NET1: variants seen among roughly 807,000 people sequenced by gnomAD.
NET1 encodes neuroepithelial cell-transforming gene 1 protein.
Under a neutral mutation model 61.1 loss-of-function variants are expected in NET1, and 42 were observed. The ratio of observed to expected loss-of-function variants is 0.69; its 90% CI spans 0.54 to 0.89. The LOEUF (loss-of-function observed/expected upper bound fraction) is 0.89. NET1 is among the 40% of genes least tolerant of loss of function. NET1 has a pLI of 0.00. For synonymous variants in NET1, 254 were observed against 281.8 expected, an observed-to-expected ratio of 0.90 and a Z score of 0.99; for missense variants, 654 against 747.3, an observed-to-expected ratio of 0.88 and a Z score of 1.46.
chr10:5,418,163 T>C (rs1296960058), intron 1 of NET1, among the ~76,000 whole-genome samples: 4 of 152,202 alleles, frequency 2.6e-5, no homozygotes, highest in Non-Finnish European at 5.9e-5. Flanking sequence ...AATACTGGCC[T>C]CATAAAATCA....
At position 5,431,870 on chromosome 10, in the gene NET1, C is replaced by G. The variant is rs1167915259; in HGVS notation, c.255+2641C>G. Among the ~76,000 whole-genome samples, 1 of 152,132 alleles carries G rather than the reference C, an allele frequency of 6.6e-6. No individual in the cohort carries two copies. The highest frequency in any genetic ancestry group is 1.5e-5 in the Non-Finnish European group (1 of 68,018). ...GCTCCTACCTCGGCCTCCCAAAGTGCTGGGATTACAGGCATGAGCCACCAC... is the reference window on the plus strand; with the variant it reads ...GCTCCTACCTCGGCCTCCCAAAGTGGTGGGATTACAGGCATGAGCCACCAC... On this transcript the variant is annotated intron_variant, in intron 3 of 11. Coordinates refer to ENST00000355029, the MANE Select transcript of NET1 (RefSeq NM_001047160.3). This position sits in a 1 kb window ranked among gnomAD's most constrained non-coding sequence, Gnocchi z 4.9.
rs1832715569 is a variant in NET1 at position 5,452,162 on chromosome 10, G to A, written c.364-196G>A. Among the ~76,000 whole-genome samples, 2 of 152,064 alleles carry A rather than the reference G, an allele frequency of 1.3e-5. No individual in the cohort carries two copies. Among genetic ancestry groups the A allele is most frequent in the Admixed American group, 1.3e-4 (2 of 15,276 alleles). On this transcript the variant is annotated intron_variant, in intron 4 of 11. Coordinates refer to ENST00000355029, the MANE Select transcript of NET1 (RefSeq NM_001047160.3). The surrounding 1 kb of genome is among the most constrained non-coding windows in gnomAD (Gnocchi z 4.0). ...ATCTTATAATGCATAGTCTTGGCTA[G>A]TTTTTATTCCCAAAAATGTAATTTT...
chr10:5,442,335 G>A (rs1419065028), intron 3 of NET1, among the ~76,000 whole-genome samples: 1 of 152,100 alleles, frequency 6.6e-6, no homozygotes, highest in African/African-American at 2.4e-5. Context: ...GCTTGTTATT[G>A]TTCCAGGTAA....
rs1467480404 is a variant in NET1, at chr10:5,412,767, G to T, written c.75G>T (p.Thr25=). ...RRSRRASGLS[T]EGATGPSADT... ...GCCGCCGGGCCTCTGGGCTCAGCAC[G>T]GAGGGAGCGACGGGGCCTTCGGCCG... The change falls in exon 1 of 12, where the codon ACG becomes ACT. Residue 25 remains threonine, a synonymous_variant. Coordinates refer to ENST00000355029, the MANE Select transcript of NET1 (RefSeq NM_001047160.3). This position sits in a 1 kb window ranked among gnomAD's most constrained non-coding sequence, Gnocchi z 6.5. 6.8e-6 allele frequency: 10 copies of T among 1,468,750 alleles called. No individual in the cohort carries two copies. The highest frequency in any genetic ancestry group is 9.0e-6 in the Non-Finnish European group (10 of 1,114,314). 91.0% of individuals were successfully genotyped at this position (1,468,750 alleles called of 1,614,324 possible).
rs1008328719 is a variant in NET1, at chr10:5,447,385, C to T, written c.256-4445C>T. Among the ~76,000 whole-genome samples, 1 of 152,162 alleles carries T rather than the reference C, an allele frequency of 6.6e-6. No individual in the cohort carries two copies. The highest frequency in any genetic ancestry group is 2.4e-5 in the African/African-American group (1 of 41,438). ...ACCAGTGACTCATTATTTTTACCCT[C>T]CTTGCTTTGTCTGAGTCTTTTTTTA... On this transcript the variant is annotated intron_variant, in intron 3 of 11. Coordinates refer to ENST00000355029, the MANE Select transcript of NET1 (RefSeq NM_001047160.3). The surrounding 1 kb of genome is among the most constrained non-coding windows in gnomAD (Gnocchi z 4.1).
In NET1 at chr10:5,458,095, G is replaced by C. The variant is rs377053157; in HGVS notation, c.*1101G>C. The C allele has an allele frequency of 3.3e-5, 5 of 152,196 alleles. No individual in the cohort carries two copies. The South Asian group carries it at 1.0e-3, about 32-fold the overall frequency. The allele number at this position is 152,196 out of a possible 1,614,324, so 9.4% of individuals were successfully genotyped here. ...GTAGTAAGTTGTAGAAGGCTCGAGG[G>C]GACGTGGACTTATTTGCCTTGGTTT... is the stretch of plus-strand genomic sequence containing the variant. On this transcript the variant is annotated 3_prime_UTR_variant, in exon 12 of 12. Coordinates refer to ENST00000355029, the MANE Select transcript of NET1 (RefSeq NM_001047160.3). The surrounding 1 kb of genome is among the most constrained non-coding windows in gnomAD (Gnocchi z 4.5).
chr10:5,447,804 C>T lies in NET1; in HGVS notation c.256-4026C>T, dbSNP rs1832640584. On this transcript the variant is annotated intron_variant, in intron 3 of 11. Coordinates refer to ENST00000355029, the MANE Select transcript of NET1 (RefSeq NM_001047160.3). This position sits in a 1 kb window ranked among gnomAD's most constrained non-coding sequence, Gnocchi z 4.1. Reference sequence around the variant, plus strand: ...TTGGTTTTGGTCTTTGCCTATGTGTCGGTTTTCTCAAAATGTGTAAGTATT... The same window carrying T: ...TTGGTTTTGGTCTTTGCCTATGTGTTGGTTTTCTCAAAATGTGTAAGTATT... 1.3e-5 allele frequency among the ~76,000 whole-genome samples: 2 copies of T among 152,160 alleles called. No individual in the cohort carries two copies. The highest frequency in any genetic ancestry group is 1.3e-4 in the Admixed American group (2 of 15,278).
chr10:5,457,551 T>C lies in NET1; in HGVS notation c.*557T>C, dbSNP rs1310152484. 2 of 152,640 alleles carry C rather than the reference T, an allele frequency of 1.3e-5. No individual in the cohort carries two copies. The highest frequency in any genetic ancestry group is 2.9e-5 in the Non-Finnish European group (2 of 68,026). The allele number at this position is 152,640 out of a possible 1,614,324, so 9.5% of individuals were successfully genotyped here. On this transcript the variant is annotated 3_prime_UTR_variant, in exon 12 of 12. Coordinates refer to ENST00000355029, the MANE Select transcript of NET1 (RefSeq NM_001047160.3). The surrounding 1 kb of genome is among the most constrained non-coding windows in gnomAD (Gnocchi z 5.4). ...GGAATGCTTTATATTAGTTTGTTTT[T>C]CACTGTACATTCCTCATTTTACATT...
At position 5,427,490 on chromosome 10, in the gene NET1, GT is replaced by G. The variant is rs1040276734; in HGVS notation, c.195+770del. ...TCTAACCATGTCAACAGTACCATAT[GT>G]ATCCTTCTATATTTTGCTCATATCA... On this transcript the variant is annotated intron_variant, in intron 2 of 11. Coordinates refer to ENST00000355029, the MANE Select transcript of NET1 (RefSeq NM_001047160.3). This position sits in a 1 kb window ranked among gnomAD's most constrained non-coding sequence, Gnocchi z 4.1. Among the ~76,000 whole-genome samples, 1 of 152,046 alleles carries G rather than the reference GT, an allele frequency of 6.6e-6. No homozygotes were observed. The highest frequency in any genetic ancestry group is 2.4e-5 in the African/African-American group (1 of 41,398).
chr10:5,454,617 A>G lies in NET1; in HGVS notation c.1026+95A>G, dbSNP rs970934207. 7 of 1,414,028 alleles carry G rather than the reference A, an allele frequency of 5.0e-6. No individual in the cohort carries two copies. Among genetic ancestry groups the G allele is most frequent in the East Asian group, 4.6e-5 (2 of 43,456 alleles). The allele number at this position is 1,414,028 out of a possible 1,614,324, so 87.6% of individuals were successfully genotyped here. On this transcript the variant is annotated intron_variant, in intron 9 of 11. Coordinates refer to ENST00000355029, the MANE Select transcript of NET1 (RefSeq NM_001047160.3). The surrounding 1 kb of genome is among the most constrained non-coding windows in gnomAD (Gnocchi z 8.1). ...TCTGAAGATGCTGATTCACATCAGCATAGTGAATTGTTTTGTTGTTTTAAG... is the reference window on the plus strand; with the variant it reads ...TCTGAAGATGCTGATTCACATCAGCGTAGTGAATTGTTTTGTTGTTTTAAG...
Position 5,444,809 on chromosome 10 carries a change from A to C in NET1, c.256-7021A>C, listed in dbSNP as rs1184967039. Among the ~76,000 whole-genome samples the C allele has an allele frequency of 3.3e-5, 5 of 152,172 alleles. No individual in the cohort carries two copies. Among genetic ancestry groups the C allele is most frequent in the African/African-American group, 9.7e-5 (4 of 41,432 alleles). On this transcript the variant is annotated intron_variant, in intron 3 of 11. Transcript: ENST00000355029. The surrounding 1 kb of genome is among the most constrained non-coding windows in gnomAD (Gnocchi z 5.3). ...TTCAGGTTTTTGTCCAACATTTCCA[A>C]CTACCAGCAGAATATTTTCATTTGC...
At position 5,422,191 on chromosome 10, in the gene NET1, G is replaced by T. The variant is rs548474828; in HGVS notation, c.129-4464G>T. On this transcript the variant is annotated intron_variant, in intron 1 of 11. Transcript: ENST00000355029. This position sits in a 1 kb window ranked among gnomAD's most constrained non-coding sequence, Gnocchi z 4.1. ...GTCTCTACTAAAAATATAAAATTTA[G>T]CTGGGCATGGTGGCGTGCCCCTGTA... 6.6e-6 allele frequency among the ~76,000 whole-genome samples: 1 copy of T among 152,236 alleles called. No individual in the cohort carries two copies. Among genetic ancestry groups the T allele is most frequent in the Admixed American group, 6.5e-5 (1 of 15,292 alleles).
At position 5,446,029 on chromosome 10, in the gene NET1, A is replaced by G. The variant is rs1409642481; in HGVS notation, c.256-5801A>G. Reference sequence around the variant, plus strand: ...CCTCTAAGAAATACTGAATTTTGAAATCTGAAGTAGCCCAGTTTACCCGTA... The same window carrying G: ...CCTCTAAGAAATACTGAATTTTGAAGTCTGAAGTAGCCCAGTTTACCCGTA... On this transcript the variant is annotated intron_variant, in intron 3 of 11. Transcript: ENST00000355029. This position sits in a 1 kb window ranked among gnomAD's most constrained non-coding sequence, Gnocchi z 5.0. Among the ~76,000 whole-genome samples, 1 of 152,228 alleles carries G rather than the reference A, an allele frequency of 6.6e-6. No homozygotes were observed. Among genetic ancestry groups the G allele is most frequent in the African/African-American group, 2.4e-5 (1 of 41,456 alleles).
Position 5,456,824 on chromosome 10 carries a change from G to A in NET1, c.1621G>A (p.Val541Ile), listed in dbSNP as rs1564470185. ...KLTAQRRAST[V>I]SSVTQVEVDE... ...CACAGCCCAGAGGAGGGCATCCACA[G>A]TTTCCAGTGTTACTCAGGTAGAAGT... Residue 541 changes from valine to isoleucine, a missense_variant, in exon 12 of 12, where the codon GTT becomes ATT. Coordinates refer to ENST00000355029, the MANE Select transcript of NET1 (RefSeq NM_001047160.3). The surrounding 1 kb of genome is among the most constrained non-coding windows in gnomAD (Gnocchi z 7.0). 6.2e-7 allele frequency: 1 copy of A among 1,613,884 alleles called. No homozygotes were observed. The highest frequency in any genetic ancestry group is 8.5e-7 in the Non-Finnish European group (1 of 1,179,934).
Position 5,454,898 on chromosome 10 carries a change from A to G in NET1, c.1027-50A>G. The G allele has an allele frequency of 1.3e-6, 2 of 1,567,286 alleles. No individual in the cohort carries two copies. The highest frequency in any genetic ancestry group is 8.8e-7 in the Non-Finnish European group (1 of 1,141,198). On this transcript the variant is annotated intron_variant, in intron 9 of 11. Coordinates refer to ENST00000355029, the MANE Select transcript of NET1 (RefSeq NM_001047160.3). This position sits in a 1 kb window ranked among gnomAD's most constrained non-coding sequence, Gnocchi z 8.1. ...ACATTTTTGCTCTGCAGGAAGCAGA[A>G]TGAGTTAATAAACTGAAGCTGCTCT...
Position 5,456,831 on chromosome 10 carries a change from G to A in NET1, c.1628G>A (p.Ser543Asn). The part of the protein sequence containing the change: ...TAQRRASTVS[S>N]VTQVEVDENA... ...CAGAGGAGGGCATCCACAGTTTCCA[G>A]TGTTACTCAGGTAGAAGTTGATGAA... The change falls in exon 12 of 12, where the codon AGT becomes AAT. Residue 543 changes from serine (S) to asparagine (N), a missense_variant. By Grantham distance (46) the Ser-to-Asn change is conservative. Coordinates refer to ENST00000355029, the MANE Select transcript of NET1 (RefSeq NM_001047160.3). The surrounding 1 kb of genome is among the most constrained non-coding windows in gnomAD (Gnocchi z 7.0). 1 of 1,614,066 alleles carries A rather than the reference G, an allele frequency of 6.2e-7. No homozygotes were observed. Among genetic ancestry groups the A allele is most frequent in the Non-Finnish European group, 8.5e-7 (1 of 1,179,996 alleles).
chr10:5,415,875 C>T lies in NET1; in HGVS notation c.128+3055C>T, dbSNP rs759131747. 1.3e-5 allele frequency among the ~76,000 whole-genome samples: 2 copies of T among 152,092 alleles called. No individual in the cohort carries two copies. Among genetic ancestry groups the T allele is most frequent in the Non-Finnish European group, 2.9e-5 (2 of 68,020 alleles). On this transcript the variant is annotated intron_variant, in intron 1 of 11. Coordinates refer to ENST00000355029, the MANE Select transcript of NET1 (RefSeq NM_001047160.3). This position sits in a 1 kb window ranked among gnomAD's most constrained non-coding sequence, Gnocchi z 4.7. ...GTCTTTTCACTTTCATGATGTGCTT[C>T]GAAGCACAAAAATGTTTTAGTTTGT...
In NET1 at chr10:5,426,264, A is replaced by G. The variant is rs187133102; in HGVS notation, c.129-391A>G. On this transcript the variant is annotated intron_variant, in intron 1 of 11. Transcript: ENST00000355029. The surrounding 1 kb of genome is among the most constrained non-coding windows in gnomAD (Gnocchi z 4.6). ...TTTTATTTTTGTTTTTTAAAATACT[A>G]TACGTGAATATGTTGCTAAATTTTT... 3.3e-5 allele frequency among the ~76,000 whole-genome samples: 5 copies of G among 152,296 alleles called. No individual in the cohort carries two copies. In the East Asian group the frequency reaches 7.7e-4, roughly 23 times the overall value.
chr10:5,413,203 G>A (rs915754727), intron 1 of NET1, among the ~76,000 whole-genome samples: 1 of 152,150 alleles, frequency 6.6e-6, no homozygotes, highest in African/African-American at 2.4e-5. Flanking sequence ...GTTTCTCAGG[G>A]GAGACTTAGG....
Sources: allele counts gnomAD v4.1 joint callset (sites outside exome capture counted in the v4.1 genomes callset), GRCh38; gene constraint gnomAD v4.1.1; non-coding constraint Gnocchi (gnomAD v3.1); transcripts MANE v1.5; gene names NCBI Gene and HGNC (gene_info 2026-07-23, HGNC 2026-07-21).